Variants in UNC79 observed in about 807,000 individuals in gnomAD.
UNC79 encodes the protein protein unc-79 homolog.
In UNC79, 37 loss-of-function variants were observed where a neutral mutation model predicts 283.1. That is an observed-to-expected ratio of 0.13 (90% CI 0.10 to 0.17). The LOEUF (loss-of-function observed/expected upper bound fraction) is 0.17. Ranked by LOEUF, UNC79 falls within the 10% of genes least tolerant of loss-of-function variation. The pLI, the probability that UNC79 is intolerant of heterozygous loss-of-function variation, is 1.00. For synonymous variants in UNC79, 1,107 were observed against 1,200.2 expected (o/e 0.92, Z 1.61); for missense variants, 2,272 against 3,211.1 (o/e 0.71, Z 7.07).
chr14:93,523,324 G>A (rs1179095242), intron 7 of UNC79, among the ~76,000 whole-genome samples: 2 of 152,126 alleles, frequency 1.3e-5, no homozygotes, highest in South Asian at 2.1e-4. Flanking sequence ...ACTAGCAAAG[G>A]TTTAGTAGGT....
At chr14:93,369,388 T>G (rs1162222966) in intron 1 of UNC79, among the ~76,000 whole-genome samples, 3 of 152,190 alleles carry the variant, frequency 2.0e-5, no homozygotes, top group Non-Finnish European at 2.9e-5. Context: ...AAGCTGCCAC[T>G]CCATTTTAAC....
At chr14:93,667,637 T>C (rs1406327628) in intron 40 of UNC79, among the ~76,000 whole-genome samples, 1 of 152,128 alleles carries the variant, frequency 6.6e-6, no homozygotes, top group Non-Finnish European at 1.5e-5. Context: ...CTCTTCTTTA[T>C]ACAAACTAAT....
intron 7 of UNC79, among the ~76,000 whole-genome samples, chr14:93,502,562 CT>C (rs2140714658): frequency 6.6e-6 from 1 of 152,232 alleles, no homozygotes; most frequent in South Asian, 2.1e-4. Context: ...TTATGTTGTT[CT>C]ATGCTTTTCT....
chr14:93,622,687 G>A (rs1401550636), exon 30 of UNC79: 1 of 1,614,192 alleles, frequency 6.2e-7, no homozygotes, highest in Admixed American at 1.7e-5. Context: ...CTGAAAGGAA[G>A]GTGGAAGAGG....
chr14:93,432,311 T>G (rs1338378803), intron 1 of UNC79, among the ~76,000 whole-genome samples: 1 of 152,090 alleles, frequency 6.6e-6, no homozygotes. Flanking sequence ...TTTTACTTCT[T>G]TATGTTTTTT....
chr14:93,617,199 T>G lies in UNC79; in HGVS notation c.4119T>G (p.Pro1373=). ...AGGTGCTCAAATACTGCTCTTGTCC[T>G]CAACTCCGGCATTATTTCCAACAGC... The change falls in exon 28 of 49, where the codon CCT becomes CCG. Residue 1373 remains proline, a synonymous_variant. Transcript: ENST00000555664. The surrounding 1 kb of genome is among the most constrained non-coding windows in gnomAD (Gnocchi z 4.5). 1 of 1,614,230 alleles carries G rather than the reference T, an allele frequency of 6.2e-7. No homozygotes were observed. The highest frequency in any genetic ancestry group is 8.5e-7 in the Non-Finnish European group (1 of 1,180,036).
At chr14:93,464,899 C>T (rs932432921) in intron 1 of UNC79, among the ~76,000 whole-genome samples, 1 of 152,174 alleles carries the variant, frequency 6.6e-6, no homozygotes, top group Non-Finnish European at 1.5e-5. Context: ...GAGTTTTATT[C>T]ACATCCTTGG....
intron 23 of UNC79, among the ~76,000 whole-genome samples, chr14:93,594,853 C>G (rs1401855591): frequency 1.3e-5 from 2 of 151,984 alleles, no homozygotes; most frequent in African/African-American, 4.8e-5. Flanking sequence ...AGGTTTGTGT[C>G]TCAAAAGTTT....
intron 1 of UNC79, among the ~76,000 whole-genome samples, chr14:93,441,909 C>T (rs189748330): frequency 7.0e-4 from 107 of 152,040 alleles, no homozygotes; most frequent in Non-Finnish European, 1.3e-3. Flanking sequence ...TCTAATAGAT[C>T]CTTTAGGAAG....
chr14:93,431,637 G>A (rs566226660), intron 1 of UNC79, among the ~76,000 whole-genome samples: 2 of 152,290 alleles, frequency 1.3e-5, no homozygotes, highest in East Asian at 3.9e-4. Context: ...CAACCATGCG[G>A]TGCTTACAAG....
chr14:93,703,050 G>A (rs1056513950), intron 47 of UNC79, among the ~76,000 whole-genome samples: 2 of 152,242 alleles, frequency 1.3e-5, no homozygotes, highest in African/African-American at 2.4e-5. Context: ...GGGCCATCTG[G>A]TGGGCTAAGG....
At chr14:93,562,916 A>T (rs1190474644) in intron 14 of UNC79, among the ~76,000 whole-genome samples, 1 of 152,104 alleles carries the variant, frequency 6.6e-6, no homozygotes. Flanking sequence ...ATGTGAAGGG[A>T]AGGGAGGGGG....
intron 10 of UNC79, among the ~76,000 whole-genome samples, chr14:93,530,483 G>A (rs9944061): frequency 0.51 from 77,543 of 151,738 alleles, 20,382 homozygotes; most frequent in Admixed American, 0.62. Context: ...ATGGTGGCAC[G>A]TGCCTGTAGT....
At chr14:93,499,149 T>C (rs1350164845) in intron 7 of UNC79, among the ~76,000 whole-genome samples, 1 of 152,196 alleles carries the variant, frequency 6.6e-6, no homozygotes, top group Non-Finnish European at 1.5e-5. Context: ...AAATACATGG[T>C]AACAATAATA....
At chr14:93,473,156 A>G (rs1489134016) in intron 2 of UNC79, among the ~76,000 whole-genome samples, 1 of 151,914 alleles carries the variant, frequency 6.6e-6, no homozygotes, top group Non-Finnish European at 1.5e-5. Flanking sequence ...GTCTTTAGTG[A>G]GTTTTGTTGA....
In UNC79 at chr14:93,477,542, C is replaced by T; in HGVS notation, c.449-16C>T. On this transcript the variant is annotated splice_polypyrimidine_tract_variant and intron_variant, in intron 3 of 48. Transcript: ENST00000555664. The stretch of plus-strand genomic sequence containing the variant: ...GCAAAATATTCAGTGACTGATTACT[C>T]AATTTTGTTTTGTAGATCTTGGACA... The T allele has an allele frequency of 1.3e-6, 2 of 1,559,232 alleles. No individual in the cohort carries two copies. The highest frequency in any genetic ancestry group is 1.7e-6 in the Non-Finnish European group (2 of 1,156,262).
intron 14 of UNC79, among the ~76,000 whole-genome samples, chr14:93,571,220 G>A (rs1379428420): frequency 3.9e-5 from 6 of 152,134 alleles, no homozygotes; most frequent in South Asian, 2.1e-4. Context: ...CCTTTGTTAC[G>A]TTGATACTTA....
chr14:93,591,300 A>T (rs2064659532), intron 22 of UNC79, among the ~76,000 whole-genome samples: 1 of 152,150 alleles, frequency 6.6e-6, no homozygotes, highest in African/African-American at 2.4e-5. Context: ...TCACAAATAC[A>T]GGTGATCCTT....
At chr14:93,535,573 T>C (rs1248365357) in intron 11 of UNC79, among the ~76,000 whole-genome samples, 3 of 152,178 alleles carry the variant, frequency 2.0e-5, no homozygotes, top group Non-Finnish European at 4.4e-5. Context: ...TGTTTGGGGC[T>C]TCATCTGGGA....
Sources: allele counts gnomAD v4.1 joint callset (sites outside exome capture counted in the v4.1 genomes callset), GRCh38; gene constraint gnomAD v4.1.1; non-coding constraint Gnocchi (gnomAD v3.1); transcripts MANE v1.5; gene names NCBI Gene and HGNC (gene_info 2026-07-23, HGNC 2026-07-21).